Variants in USP13 observed in about 807,000 individuals in gnomAD.
The protein encoded by USP13 is ubiquitin carboxyl-terminal hydrolase 13.
In USP13, 68 loss-of-function variants were observed where a neutral mutation model predicts 107.8. The observed-to-expected ratio is 0.63, with a 90% CI of 0.52 to 0.77. The LOEUF is 0.77. Ranked by LOEUF, USP13 falls within the 30% of genes least tolerant of loss-of-function variation. The probability of loss-of-function intolerance (pLI) is 0.00; values close to 1 mark genes in which losing one functional copy is unlikely to be tolerated. For missense variants in USP13, 945 were observed against 1,093.3 expected (o/e 0.86, Z 1.91); for synonymous variants, 377 against 389.5 (o/e 0.97, Z 0.38).
At chr3:179,736,584 A>G (rs972957275) in intron 10 of USP13, among the ~76,000 whole-genome samples, 3 of 152,234 alleles carry the variant, frequency 2.0e-5, no homozygotes, top group Non-Finnish European at 4.4e-5. Flanking sequence ...AGCTTTTTCA[A>G]ATAACTTCTA....
chr3:179,778,848 G>A (rs974407319), intron 19 of USP13, among the ~76,000 whole-genome samples: 1 of 152,176 alleles, frequency 6.6e-6, no homozygotes, highest in Admixed American at 6.5e-5. Context: ...AGGGAAACGG[G>A]AGCAACAGGA....
At chr3:179,783,195 A>G (rs1715807468) in intron 20 of USP13, among the ~76,000 whole-genome samples, 1 of 152,214 alleles carries the variant, frequency 6.6e-6, no homozygotes. Flanking sequence ...TAAAATTCAT[A>G]GTAAATAATT....
Position 179,742,993 on chromosome 3 carries a change from CA to C in USP13, c.1534+649del, listed in dbSNP as rs1714255360. On this transcript the variant is annotated intron_variant, in intron 12 of 20. Transcript: ENST00000263966. The surrounding 1 kb of genome is among the most constrained non-coding windows in gnomAD (Gnocchi z 5.0). ...TTTCTTCGAATTAACATCGTAGAAG[CA>C]AAAAAGACAAAATAGCTGCTGGATT... Among the ~76,000 whole-genome samples, 1 of 152,008 alleles carries C rather than the reference CA, an allele frequency of 6.6e-6. No individual in the cohort carries two copies. The highest frequency in any genetic ancestry group is 2.4e-5 in the African/African-American group (1 of 41,390).
chr3:179,767,464 AC>A (rs1715214818), intron 19 of USP13, among the ~76,000 whole-genome samples: 1 of 147,872 alleles, frequency 6.8e-6, no homozygotes, highest in Admixed American at 6.7e-5. Context: ...TCACTCCATC[AC>A]CCAGGCTGGA....
At chr3:179,783,984 C>A (rs1363878468) in intron 20 of USP13, 64 bp from the exon 21 acceptor site, 9 of 1,344,804 alleles carry the variant, frequency 6.7e-6, no homozygotes, top group Non-Finnish European at 8.4e-6. Context: ...GATTTAGTGA[C>A]TTCTTTGTGT....
intron 8 of USP13, among the ~76,000 whole-genome samples, chr3:179,722,837 G>A (rs1211941791): frequency 6.6e-6 from 1 of 152,124 alleles, no homozygotes; most frequent in Admixed American, 6.6e-5. Flanking sequence ...ACCCTTTACC[G>A]CAGATAATTT....
intron 18 of USP13, 26 bp downstream of exon 18, chr3:179,764,194 T>C: frequency 6.4e-7 from 1 of 1,568,734 alleles, no homozygotes; most frequent in South Asian, 1.2e-5. Flanking sequence ...TGTGTGTGTG[T>C]GTGTGTGTGT....
rs201245633 is a variant in USP13 at position 179,731,482 on chromosome 3, G to C, written c.1254+773G>C. Among the ~76,000 whole-genome samples the C allele has an allele frequency of 3.9e-5, 6 of 152,228 alleles. No individual in the cohort carries two copies. The East Asian group carries it at 9.6e-4, about 24-fold the overall frequency. On this transcript the variant is annotated intron_variant, in intron 10 of 20. Transcript: ENST00000263966. ...ACTGAGGAATCAGAATTTCAGGGGA[G>C]GGCTTGGCATTCCTCAGGTTTGGTA...
At chr3:179,760,265 TAAAGCC>T (rs1184754593) in intron 16 of USP13, among the ~76,000 whole-genome samples, 327 of 150,784 alleles carry the variant, frequency 2.2e-3, no homozygotes, top group Non-Finnish European at 4.1e-3. Context: ...AGTTACTTTG[TAAAGCC>T]GTCTCTTAAT....
At chr3:179,696,298 C>G (rs1287288573) in intron 3 of USP13, among the ~76,000 whole-genome samples, 1 of 144,878 alleles carries the variant, frequency 6.9e-6, no homozygotes, top group Non-Finnish European at 1.5e-5. Context: ...TTTTTTTGAT[C>G]TAACTACTAA....
chr3:179,704,513 C>G (rs1254447856), intron 4 of USP13, among the ~76,000 whole-genome samples: 1 of 152,150 alleles, frequency 6.6e-6, no homozygotes, highest in African/African-American at 2.4e-5. Context: ...AAATTAGATC[C>G]TATCCTTCTT....
intron 1 of USP13, among the ~76,000 whole-genome samples, chr3:179,664,851 G>A (rs936361653): frequency 6.6e-6 from 1 of 152,202 alleles, no homozygotes; most frequent in African/African-American, 2.4e-5. Context: ...ACTTTGGGAG[G>A]CTGAGGTGGG....
chr3:179,777,549 C>T (rs374290768), intron 19 of USP13, among the ~76,000 whole-genome samples: 2 of 150,348 alleles, frequency 1.3e-5, no homozygotes, highest in East Asian at 2.0e-4. Context: ...ATCCCCTGGG[C>T]TCCAGCAATT....
intron 19 of USP13, among the ~76,000 whole-genome samples, chr3:179,769,958 T>C (rs1560081278): frequency 6.6e-6 from 1 of 152,228 alleles, no homozygotes; most frequent in African/African-American, 2.4e-5. Context: ...TTAATGCAGA[T>C]TACCATCACG....
chr3:179,672,380 C>A (rs1343020027), intron 1 of USP13, among the ~76,000 whole-genome samples: 2 of 147,860 alleles, frequency 1.4e-5, no homozygotes, highest in African/African-American at 5.0e-5. Context: ...CTTTCTTTTT[C>A]TTTTTTTTTC....
intron 6 of USP13, among the ~76,000 whole-genome samples, chr3:179,717,521 A>G (rs1217137117): frequency 3.3e-5 from 5 of 152,208 alleles, no homozygotes; most frequent in African/African-American, 1.2e-4. Context: ...ACTTATTTCA[A>G]AATCCTAGGC....
chr3:179,686,883 A>G (rs1472411647), intron 2 of USP13, among the ~76,000 whole-genome samples: 1 of 152,184 alleles, frequency 6.6e-6, no homozygotes. Context: ...TTTCTTTGAC[A>G]CCATTCTTTC....
intron 20 of USP13, 146 bp downstream of exon 20, chr3:179,781,969 C>A: frequency 1.6e-6 from 1 of 621,722 alleles, no homozygotes; most frequent in Non-Finnish European, 2.7e-6. Context: ...CCCTTTTGCA[C>A]ATCAAGACAC....
intron 1 of USP13, among the ~76,000 whole-genome samples, chr3:179,668,283 C>T (rs912814824): frequency 6.6e-6 from 1 of 152,042 alleles, no homozygotes; most frequent in African/African-American, 2.4e-5. Flanking sequence ...TACAGGTGTG[C>T]ACCACCATGC....
Sources: allele counts gnomAD v4.1 joint callset (sites outside exome capture counted in the v4.1 genomes callset), GRCh38; gene constraint gnomAD v4.1.1; non-coding constraint Gnocchi (gnomAD v3.1); transcripts MANE v1.5; gene names NCBI Gene and HGNC (gene_info 2026-07-23, HGNC 2026-07-21).